The following CCNJL variants were observed in gnomAD, a reference collection of about 807,000 sequenced individuals.
CCNJL encodes cyclin-J-like protein.
Under a neutral mutation model 33.4 loss-of-function variants are expected in CCNJL, and 33 were observed. The ratio of observed to expected loss-of-function variants is 0.99; its 90% confidence interval spans 0.75 to 1.32. The LOEUF (loss-of-function observed/expected upper bound fraction) is 1.32. CCNJL is among the 40% of genes most tolerant of loss of function. The probability of loss-of-function intolerance (pLI) is 0.00; values close to 1 mark genes in which losing one functional copy is unlikely to be tolerated. For missense variants in CCNJL, 512 were observed against 499.7 expected (o/e 1.02, Z -0.23); for synonymous variants, 227 against 220.9 (o/e 1.03, Z -0.24).
upstream of CCNJL, among the ~76,000 whole-genome samples, chr5:160,316,562 A>C (rs796524228): frequency 1.3e-5 from 2 of 152,202 alleles, no homozygotes; most frequent in African/African-American, 4.8e-5. Context: ...AACATGGAAA[A>C]ATGTACACGT....
intron 1 of CCNJL, among the ~76,000 whole-genome samples, chr5:160,320,450 T>C (rs539253061): frequency 6.6e-6 from 1 of 152,302 alleles, no homozygotes; most frequent in Non-Finnish European, 1.5e-5. Flanking sequence ...CTGGTCTAAC[T>C]TCCCCCACTC....
intron 1 of CCNJL, among the ~76,000 whole-genome samples, chr5:160,332,923 C>T (rs904407028): frequency 5.9e-5 from 9 of 152,092 alleles, no homozygotes; most frequent in East Asian, 1.9e-4. Flanking sequence ...TCTTCTCCAT[C>T]GCAGTGCCCA....
intron 2 of CCNJL, among the ~76,000 whole-genome samples, chr5:160,304,965 C>T (rs1381000658): frequency 6.6e-6 from 1 of 152,098 alleles, no homozygotes; most frequent in East Asian, 1.9e-4. Context: ...AGGTGCACAC[C>T]ACCACGCCCG....
At chr5:160,275,408 A>T (rs1761977747) in intron 3 of CCNJL, among the ~76,000 whole-genome samples, 1 of 152,088 alleles carries the variant, frequency 6.6e-6, no homozygotes. Flanking sequence ...GATTCACACA[A>T]AACTGTGGGA....
In CCNJL at chr5:160,305,773, G is replaced by A. The variant is rs1184500773; in HGVS notation, c.66+6085C>T. Among the ~76,000 whole-genome samples, 3 of 152,130 alleles carry A rather than the reference G, an allele frequency of 2.0e-5. No individual in the cohort carries two copies. In the East Asian group the frequency reaches 5.8e-4, roughly 29 times the overall value. On this transcript the variant is annotated intron_variant, in intron 2 of 5. Coordinates refer to ENST00000257536, the MANE Select transcript of CCNJL (RefSeq NM_001308173.3). ...CTTGCAGTTTCTTGTCTGTAAACTG[G>A]GGTTAATCCTAACACTAGGGCCAAA...
intron 5 of CCNJL, chr5:160,254,581 T>C (rs113169975): frequency 2.6e-6 from 1 of 379,744 alleles, no homozygotes; most frequent in African/African-American, 2.1e-5. Context: ...GTCTAAGGGC[T>C]TCCGCTTTGC....
chr5:160,254,623 C>T (rs1760972542), intron 5 of CCNJL: 1 of 325,924 alleles, frequency 3.1e-6, no homozygotes. Context: ...CAGGCCAGCA[C>T]CCAGGATACG....
intron 3 of CCNJL, among the ~76,000 whole-genome samples, chr5:160,260,041 C>T (rs1001899122): frequency 6.6e-6 from 1 of 152,226 alleles, no homozygotes; most frequent in African/African-American, 2.4e-5. Flanking sequence ...ACCTATACTT[C>T]ATAAGGCTTT....
rs540871655 is a variant in CCNJL, at chr5:160,325,889, G to T, written n.207-10384C>A. ...GATTGGAACACAGCCCCACCCATTT[G>T]TTTATATATTCACAGTGGATGCTTT... On this transcript the variant is annotated intron_variant and non_coding_transcript_variant, in intron 1 of 7. Transcript: ENST00000377503. 2.6e-5 allele frequency among the ~76,000 whole-genome samples: 4 copies of T among 151,354 alleles called. No individual in the cohort carries two copies. In the South Asian group the frequency reaches 8.3e-4, roughly 31 times the overall value.
At chr5:160,302,814 T>TA (rs35600220) in intron 2 of CCNJL, among the ~76,000 whole-genome samples, 168 of 143,508 alleles carry the variant, frequency 1.2e-3, no homozygotes, top group East Asian at 3.1e-3. Context: ...TCTGTCTCAA[T>TA]AAAAAAAAAA....
At chr5:160,318,726 G>A (rs1445004187) in intron 1 of CCNJL, among the ~76,000 whole-genome samples, 10 of 152,204 alleles carry the variant, frequency 6.6e-5, no homozygotes, top group Middle Eastern at 6.3e-3. Flanking sequence ...AATAAAAATA[G>A]TTAACTTAAT....
At chr5:160,263,220 C>T (rs1319789647) in intron 3 of CCNJL, among the ~76,000 whole-genome samples, 1 of 152,176 alleles carries the variant, frequency 6.6e-6, no homozygotes, top group African/African-American at 2.4e-5. Context: ...ACGTGACATG[C>T]CACCCCGAAC....
At chr5:160,314,646 G>A (rs1763357594), upstream of CCNJL, among the ~76,000 whole-genome samples, 2 of 152,210 alleles carry the variant, frequency 1.3e-5, no homozygotes, top group South Asian at 4.1e-4. Context: ...AAAGGCAAAC[G>A]ACAAATTTGA....
chr5:160,320,966 G>T (rs10070296), intron 1 of CCNJL, among the ~76,000 whole-genome samples: 87,408 of 127,510 alleles, frequency 0.69, 29,512 homozygotes, highest in African/African-American at 0.76. Context: ...TCTCCTCTCT[G>T]TCTCTCCCTC....
chr5:160,322,542 A>C (rs1005439167), intron 1 of CCNJL, among the ~76,000 whole-genome samples: 2 of 152,224 alleles, frequency 1.3e-5, no homozygotes, highest in African/African-American at 2.4e-5. Flanking sequence ...AATTGTATGC[A>C]TACATAGTTT....
chr5:160,311,641 T>G (rs1763262397), intron 2 of CCNJL, among the ~76,000 whole-genome samples: 1 of 152,048 alleles, frequency 6.6e-6, no homozygotes, highest in East Asian at 1.9e-4. Flanking sequence ...AGTTCTGAGC[T>G]CCTTATCAGA....
intron 1 of CCNJL, among the ~76,000 whole-genome samples, chr5:160,324,614 C>T (rs912844913): frequency 4.7e-5 from 5 of 106,586 alleles, no homozygotes; most frequent in Admixed American, 4.5e-4. Context: ...AAAACACACA[C>T]AAAAAACTGT....
chr5:160,321,024 TTC>T (rs1363706452), intron 1 of CCNJL, among the ~76,000 whole-genome samples: 1 of 20,414 alleles, frequency 4.9e-5, no homozygotes, highest in African/African-American at 2.2e-4. Flanking sequence ...CTTTCTTTCT[TTC>T]TTTCTTTCTT....
At chr5:160,326,240 T>C (rs1486842709) in intron 1 of CCNJL, among the ~76,000 whole-genome samples, 5 of 152,038 alleles carry the variant, frequency 3.3e-5, no homozygotes, top group Non-Finnish European at 5.9e-5. Context: ...TTTAGGAGGC[T>C]GAGGCAGGCG....
Sources: allele counts gnomAD v4.1 joint callset (sites outside exome capture counted in the v4.1 genomes callset), GRCh38; gene constraint gnomAD v4.1.1; transcripts MANE v1.5; gene names NCBI Gene and HGNC (gene_info 2026-07-23, HGNC 2026-07-21).